Variants in GPBP1 observed in about 807,000 individuals in gnomAD.
GPBP1 encodes vasculin.
In GPBP1, 13 loss-of-function variants were observed where a neutral mutation model predicts 56.5. The observed-to-expected ratio is 0.23, with a 90% CI of 0.15 to 0.37. GPBP1 has a LOEUF of 0.37. Among genes scored for constraint, GPBP1 ranks in the 10% least tolerant of loss-of-function variants. The pLI is 1.00. For synonymous variants in GPBP1, 204 were observed against 188.9 expected (o/e 1.08, Z -0.66); for missense variants, 477 against 572.3 (o/e 0.83, Z 1.70).
chr5:57,246,799 C>T, intron 7 of GPBP1, among the ~76,000 whole-genome samples: 1 of 151,922 alleles, frequency 6.6e-6, no homozygotes, highest in East Asian at 1.9e-4. Flanking sequence ...GTTTTGGAAA[C>T]TCACATGTTT....
chr5:57,179,009 C>T (rs1001840008), intron 2 of GPBP1, among the ~76,000 whole-genome samples: 2 of 151,980 alleles, frequency 1.3e-5, no homozygotes, highest in African/African-American at 2.4e-5. Flanking sequence ...CTATTATAGT[C>T]ACTGTGGTAC....
At chr5:57,246,541 A>C in intron 7 of GPBP1, 57 bp downstream of exon 7, 1 of 1,369,548 alleles carries the variant, frequency 7.3e-7, no homozygotes, top group Non-Finnish European at 1.0e-6. Context: ...TTTATGTCCT[A>C]TGGGGGGAAA....
chr5:57,256,664 C>T (rs1475782011), intron 10 of GPBP1, among the ~76,000 whole-genome samples: 1 of 151,950 alleles, frequency 6.6e-6, no homozygotes, highest in African/African-American at 2.4e-5. Context: ...ATTTGGTAGC[C>T]GCTAGTTGGA....
intron 2 of GPBP1, among the ~76,000 whole-genome samples, chr5:57,191,023 G>T (rs964139332): frequency 6.6e-6 from 1 of 151,958 alleles, no homozygotes; most frequent in African/African-American, 2.4e-5. Flanking sequence ...TGATCTGCCC[G>T]CCTTGGCCTC....
At chr5:57,259,275 T>C (rs1227281653) in intron 10 of GPBP1, among the ~76,000 whole-genome samples, 2 of 152,228 alleles carry the variant, frequency 1.3e-5, no homozygotes, top group African/African-American at 4.8e-5. Flanking sequence ...TGATTGTTCA[T>C]GTGTAAAATG....
rs529903538 is a variant in GPBP1 at position 57,238,673 on chromosome 5, A to G, written c.478+2641A>G. 2.0e-5 allele frequency among the ~76,000 whole-genome samples: 3 copies of G among 152,330 alleles called. No individual in the cohort carries two copies. In the South Asian group the frequency reaches 6.2e-4, roughly 32 times the overall value. ...ATGTCAGCAACATACTATTGGCAGAACTTAACATTTACTTAAGATATTAAA... is the reference window on the plus strand; with the variant it reads ...ATGTCAGCAACATACTATTGGCAGAGCTTAACATTTACTTAAGATATTAAA... On this transcript the variant is annotated intron_variant, in intron 6 of 11. Transcript: ENST00000506184.
At chr5:57,221,227 G>T in intron 3 of GPBP1, 2 of 613,594 alleles carry the variant, frequency 3.3e-6, no homozygotes, top group Non-Finnish European at 5.7e-6. Context: ...GTAGTGAGAA[G>T]GATATTTTAC....
At chr5:57,244,143 T>C (rs1239277610) in intron 6 of GPBP1, among the ~76,000 whole-genome samples, 1 of 152,252 alleles carries the variant, frequency 6.6e-6, no homozygotes, top group East Asian at 1.9e-4. Context: ...CAAAGTTGCA[T>C]TTCTGCCTTC....
chr5:57,221,013 A>G (rs1456170283), intron 3 of GPBP1, among the ~76,000 whole-genome samples: 1 of 152,170 alleles, frequency 6.6e-6, no homozygotes, highest in Non-Finnish European at 1.5e-5. Context: ...TGCATTCTCT[A>G]CTTAAACGGC....
intron 2 of GPBP1, among the ~76,000 whole-genome samples, chr5:57,197,330 T>G (rs527372113): frequency 2.6e-5 from 4 of 151,642 alleles, no homozygotes; most frequent in Admixed American, 6.6e-5. Context: ...GTCCCTAGGC[T>G]TCCCAAAATT....
chr5:57,194,170 T>C (rs1754649766), intron 2 of GPBP1, among the ~76,000 whole-genome samples: 1 of 152,234 alleles, frequency 6.6e-6, no homozygotes, highest in Admixed American at 6.5e-5. Flanking sequence ...TATTGATGTA[T>C]ATTAGCCTGT....
intron 2 of GPBP1, among the ~76,000 whole-genome samples, chr5:57,199,521 T>C (rs1754905965): frequency 6.6e-6 from 1 of 151,812 alleles, no homozygotes; most frequent in South Asian, 2.1e-4. Flanking sequence ...TGCTACCAGA[T>C]TTCTTTTCTT....
chr5:57,212,056 C>T (rs1162193524), intron 2 of GPBP1, among the ~76,000 whole-genome samples: 3 of 152,080 alleles, frequency 2.0e-5, no homozygotes, highest in Non-Finnish European at 4.4e-5. Context: ...CCTGCGTCAG[C>T]CCCCTGAGAA....
rs116644600 is a variant in GPBP1, at chr5:57,213,550, A to G, written c.-57-524A>G. 3.0e-3 allele frequency among the ~76,000 whole-genome samples: 461 copies of G among 152,086 alleles called. 5 individuals are homozygous for G. Among genetic ancestry groups the G allele is most frequent in the African/African-American group, 0.01 (419 of 41,462 alleles). On this transcript the variant is annotated intron_variant, in intron 2 of 11. Coordinates refer to ENST00000506184, the MANE Select transcript of GPBP1 (RefSeq NM_022913.4). ...CCCATTAAAAGCCACTATTTGTCGTAGAAACCAGTTCATTTAACCTTTAGA... is the reference window on the plus strand; with the variant it reads ...CCCATTAAAAGCCACTATTTGTCGTGGAAACCAGTTCATTTAACCTTTAGA...
chr5:57,174,068 C>G lies in GPBP1; in HGVS notation c.-1154C>G, dbSNP rs1201402269. The stretch of plus-strand genomic sequence containing the variant: ...AGACTTGGCCCAGAACATTGCGGAT[C>G]GGGTCGGCGCCATTTTGGGACTGAG... On this transcript the variant is annotated 5_prime_UTR_variant, in exon 1 of 12. The change creates a new upstream start codon in the 5' untranslated region. Transcript: ENST00000506184. 6.5e-6 allele frequency: 1 copy of G among 152,884 alleles called. No individual in the cohort carries two copies. Among genetic ancestry groups the G allele is most frequent in the Non-Finnish European group, 1.5e-5 (1 of 68,276 alleles). 9.5% of individuals were successfully genotyped at this position (152,884 alleles called of 1,614,324 possible). A position where few individuals can be genotyped will look rare whatever the true frequency, so the allele number is the denominator to read the frequency against.
chr5:57,242,566 TCATTGCAG>T (rs1236398720), intron 6 of GPBP1, among the ~76,000 whole-genome samples: 1 of 152,140 alleles, frequency 6.6e-6, no homozygotes, highest in Non-Finnish European at 1.5e-5. Flanking sequence ...CGATCATGGC[TCATTGCAG>T]CCCCAGCCTC....
chr5:57,188,534 C>T (rs1188485640), intron 2 of GPBP1, among the ~76,000 whole-genome samples: 3 of 151,288 alleles, frequency 2.0e-5, no homozygotes, highest in African/African-American at 4.9e-5. Context: ...CGGGAGTTTG[C>T]GACCAGCCTG....
intron 2 of GPBP1, among the ~76,000 whole-genome samples, chr5:57,181,893 T>A (rs1754065664): frequency 6.6e-6 from 1 of 152,154 alleles, no homozygotes; most frequent in Non-Finnish European, 1.5e-5. Flanking sequence ...ACCTGCTTGC[T>A]TTTCCCATTT....
intron 3 of GPBP1, among the ~76,000 whole-genome samples, chr5:57,220,734 A>C (rs920344167): frequency 6.6e-6 from 1 of 152,176 alleles, no homozygotes; most frequent in African/African-American, 2.4e-5. Flanking sequence ...TGCTAGGATT[A>C]CAGGCACGAG....
Sources: gnomAD v4.1 joint callset for allele counts (sites outside exome capture counted in the v4.1 genomes callset) on GRCh38, gnomAD v4.1.1 for gene constraint, MANE v1.5 for transcripts, NCBI Gene and HGNC (gene_info 2026-07-23, HGNC 2026-07-21) for gene names.